KLRG2: variants seen among roughly 807,000 people sequenced by gnomAD.
The protein encoded by KLRG2 is killer cell lectin like receptor G2.
In KLRG2, 39 loss-of-function variants were observed where a neutral mutation model predicts 35.4. That is an observed-to-expected ratio of 1.10 (90% CI 0.85 to 1.44). The LOEUF (loss-of-function observed/expected upper bound fraction) is 1.44, where lower values mean the gene tolerates loss of function less well. KLRG2 is among the 40% of genes most tolerant of loss of function. The pLI is 0.00. For missense variants in KLRG2, 632 were observed against 570.9 expected (o/e 1.11, Z -1.09); for synonymous variants, 283 against 265.8 (o/e 1.06, Z -0.63).
At chr7:139,471,203 G>C (rs890337077) in intron 3 of KLRG2, among the ~76,000 whole-genome samples, 4 of 152,008 alleles carry the variant, frequency 2.6e-5, no homozygotes, top group Non-Finnish European at 5.9e-5. Context: ...CCTGGAAGTA[G>C]GTATTCCAAA....
At chr7:139,473,932 G>A (rs1046097223) in intron 3 of KLRG2, among the ~76,000 whole-genome samples, 2 of 150,412 alleles carry the variant, frequency 1.3e-5, no homozygotes, top group Non-Finnish European at 3.0e-5. Flanking sequence ...GGAACACTGA[G>A]AACAAAGAAG....
chr7:139,467,162 A>G (rs1796674113), intron 3 of KLRG2, among the ~76,000 whole-genome samples: 1 of 152,072 alleles, frequency 6.6e-6, no homozygotes, highest in African/African-American at 2.4e-5. Flanking sequence ...GTCGCCCCTA[A>G]TCCCGCTCGA....
intron 3 of KLRG2, among the ~76,000 whole-genome samples, chr7:139,463,741 C>T (rs904809524): frequency 6.6e-6 from 1 of 152,232 alleles, no homozygotes; most frequent in Admixed American, 6.5e-5. Flanking sequence ...CTTCCCAGAT[C>T]TTCTTGACTT....
At chr7:139,468,521 T>C (rs1210586375) in intron 3 of KLRG2, among the ~76,000 whole-genome samples, 1 of 152,034 alleles carries the variant, frequency 6.6e-6, no homozygotes, top group Admixed American at 6.6e-5. Context: ...CCAAATCCTA[T>C]AAAATGGCCC....
chr7:139,473,413 G>A (rs773642412), intron 3 of KLRG2, among the ~76,000 whole-genome samples: 5 of 152,116 alleles, frequency 3.3e-5, no homozygotes, highest in Non-Finnish European at 7.3e-5. Flanking sequence ...GAAAATGACT[G>A]AGTCCCTGCC....
At chr7:139,428,118 GGAT>G in the KLRG2 span, among the ~76,000 whole-genome samples, 1 of 152,160 alleles carries the variant, frequency 6.6e-6, no homozygotes, top group African/African-American at 2.4e-5. Context: ...GAATGAAGCA[GGAT>G]GATAACTGCA....
chr7:139,435,156 T>TA, the KLRG2 span, among the ~76,000 whole-genome samples: 1 of 152,136 alleles, frequency 6.6e-6, no homozygotes, highest in South Asian at 2.1e-4. Flanking sequence ...CTACCTTTCT[T>TA]AAAAAAACTT....
At chr7:139,444,462 G>A in the KLRG2 span, among the ~76,000 whole-genome samples, 12 of 152,298 alleles carry the variant, frequency 7.9e-5, no homozygotes, top group African/African-American at 2.9e-4. Context: ...TATTACAGGT[G>A]TGGGCCACCG....
the KLRG2 span, among the ~76,000 whole-genome samples, chr7:139,445,781 G>GTGTATGTA: frequency 1.3e-4 from 13 of 98,474 alleles, no homozygotes; most frequent in African/African-American, 9.2e-4. Flanking sequence ...ATATATATAT[G>GTGTATGTA]TATATATATA....
the KLRG2 span, among the ~76,000 whole-genome samples, chr7:139,447,470 A>G: frequency 2.0e-5 from 3 of 148,106 alleles, no homozygotes; most frequent in African/African-American, 5.1e-5. Flanking sequence ...GTACGATCTC[A>G]GCTCACTGCA....
At chr7:139,428,457 C>A in the KLRG2 span, among the ~76,000 whole-genome samples, 1 of 152,086 alleles carries the variant, frequency 6.6e-6, no homozygotes, top group Non-Finnish European at 1.5e-5. Flanking sequence ...TGGGATCACA[C>A]TATGTTTCCC....
chr7:139,435,926 G>C, the KLRG2 span, among the ~76,000 whole-genome samples: 5 of 148,916 alleles, frequency 3.4e-5, no homozygotes, highest in Non-Finnish European at 7.4e-5. Context: ...TTTTGAGATA[G>C]GGTCTTGCTC....
At chr7:139,457,506 A>G (rs1167637609) in intron 3 of KLRG2, among the ~76,000 whole-genome samples, 2 of 152,198 alleles carry the variant, frequency 1.3e-5, no homozygotes, top group Admixed American at 6.5e-5. Context: ...GCTTGTGATG[A>G]GGCTTGAGAT....
chr7:139,479,779 GCA>G lies in KLRG2; in HGVS notation c.860-9_860-8del, dbSNP rs751242630. 1.6e-5 allele frequency: 26 copies of G among 1,612,596 alleles called. No homozygotes were observed. The highest frequency in any genetic ancestry group is 2.7e-5 in the African/African-American group (2 of 75,018). On this transcript the variant is annotated splice_region_variant and splice_polypyrimidine_tract_variant and intron_variant, in intron 2 of 4. Transcript: ENST00000340940. The stretch of plus-strand genomic sequence containing the variant: ...CACTGCTGGCATCTGGCTCCTGCAA[GCA>G]CAGAGACTGCTGGTGAGCTGCAGGG...
At chr7:139,433,481 A>G in the KLRG2 span, among the ~76,000 whole-genome samples, 10 of 152,180 alleles carry the variant, frequency 6.6e-5, no homozygotes, top group African/African-American at 2.4e-4. Context: ...ATGTGCCACC[A>G]CACCCGGCTA....
At chr7:139,454,277 G>C in intron 3 of KLRG2, 63 bp from the exon 4 acceptor site, 1 of 783,490 alleles carries the variant, frequency 1.3e-6, no homozygotes, top group South Asian at 1.5e-5. Flanking sequence ...TGGGGCGTAC[G>C]GATTCCCTGG....
chr7:139,455,836 T>C (rs1429815851), intron 3 of KLRG2, among the ~76,000 whole-genome samples: 1 of 152,168 alleles, frequency 6.6e-6, no homozygotes, highest in Non-Finnish European at 1.5e-5. Context: ...AAAATGAACT[T>C]ATCTAAAGAT....
intron 3 of KLRG2, among the ~76,000 whole-genome samples, chr7:139,463,411 C>T (rs954979212): frequency 4.6e-5 from 7 of 152,178 alleles, no homozygotes; most frequent in African/African-American, 7.2e-5. Flanking sequence ...CAGACAGCAA[C>T]GCATTTCTGA....
At chr7:139,453,957 C>T (rs73470410) in intron 4 of KLRG2, among the ~76,000 whole-genome samples, 154 bp downstream of exon 4, 9,253 of 152,206 alleles carry the variant, frequency 0.061, 484 homozygotes, top group East Asian at 0.2. Context: ...AAGAGTGAAG[C>T]GACAGGGTCT....
Sources: allele counts gnomAD v4.1 joint callset (sites outside exome capture counted in the v4.1 genomes callset), GRCh38; gene constraint gnomAD v4.1.1; transcripts MANE v1.5; gene names NCBI Gene and HGNC (gene_info 2026-07-23, HGNC 2026-07-21).